Variants in NTRK3 observed in about 807,000 individuals in gnomAD.
NTRK3 encodes the protein neurotrophic receptor tyrosine kinase 3.
In NTRK3, 24 loss-of-function variants were observed where a neutral mutation model predicts 91.7. The observed-to-expected ratio is 0.26, with a 90% CI of 0.19 to 0.37. NTRK3 has a LOEUF of 0.37. NTRK3 is among the 10% of genes least tolerant of loss of function. The probability of loss-of-function intolerance (pLI) is 1.00; values close to 1 mark genes in which losing one functional copy is unlikely to be tolerated. For synonymous variants in NTRK3, 483 were observed against 404.0 expected (o/e 1.20, Z -2.34); for missense variants, 880 against 1,068.9 (o/e 0.82, Z 2.46).
chr15:87,909,025 C>T (rs1056773584), intron 17 of NTRK3, among the ~76,000 whole-genome samples: 1 of 152,162 alleles, frequency 6.6e-6, no homozygotes, highest in African/African-American at 2.4e-5. Flanking sequence ...TTCTCCAAAG[C>T]TTCTGAGAGA....
At chr15:88,174,866 C>T (rs2045854038) in intron 5 of NTRK3, among the ~76,000 whole-genome samples, 1 of 152,252 alleles carries the variant, frequency 6.6e-6, no homozygotes, top group East Asian at 1.9e-4. Context: ...TGGAGAATGT[C>T]AGCCGTTTCT....
intron 14 of NTRK3, among the ~76,000 whole-genome samples, chr15:87,954,022 G>C (rs1252549928): frequency 7.6e-6 from 1 of 131,650 alleles, no homozygotes; most frequent in Non-Finnish European, 1.6e-5. Context: ...GTGTGTGTGT[G>C]TGTGTGTGTG....
At chr15:88,087,273 C>A (rs1209048652) in intron 13 of NTRK3, among the ~76,000 whole-genome samples, 1 of 152,082 alleles carries the variant, frequency 6.6e-6, no homozygotes, top group Admixed American at 6.5e-5. Context: ...GGTGGAGGGG[C>A]TCCATGGAGG....
intron 14 of NTRK3, chr15:87,979,285 C>A: frequency 1.6e-6 from 2 of 1,231,050 alleles, no homozygotes; most frequent in Non-Finnish European, 2.4e-6. Context: ...GAGCTTCCAA[C>A]CTCTCAGAGG....
At chr15:88,080,300 G>T (rs1165234288) in intron 13 of NTRK3, among the ~76,000 whole-genome samples, 1 of 152,120 alleles carries the variant, frequency 6.6e-6, no homozygotes, top group African/African-American at 2.4e-5. Context: ...CAAGCCCTCT[G>T]GTAAAGTTGT....
At chr15:88,181,105 T>C (rs780713560) in intron 5 of NTRK3, among the ~76,000 whole-genome samples, 1 of 151,956 alleles carries the variant, frequency 6.6e-6, no homozygotes, top group Non-Finnish European at 1.5e-5. Flanking sequence ...CAGACTCAAA[T>C]TGGGGGTAAA....
intron 14 of NTRK3, among the ~76,000 whole-genome samples, chr15:88,003,296 C>G (rs1185679530): frequency 6.6e-6 from 1 of 152,152 alleles, no homozygotes; most frequent in African/African-American, 2.4e-5. Context: ...TGTAGACCTG[C>G]TGACCAAAAT....
intron 14 of NTRK3, among the ~76,000 whole-genome samples, chr15:87,973,561 G>A (rs931769315): frequency 6.6e-6 from 1 of 152,184 alleles, no homozygotes; most frequent in Non-Finnish European, 1.5e-5. Flanking sequence ...GATTTCTAAA[G>A]GCAAAATGCA....
intron 14 of NTRK3, among the ~76,000 whole-genome samples, chr15:88,001,700 C>T (rs2076107750): frequency 6.6e-6 from 1 of 152,146 alleles, no homozygotes; most frequent in Non-Finnish European, 1.5e-5. Context: ...TGATCTATGT[C>T]TATCCTCATG....
intron 14 of NTRK3, among the ~76,000 whole-genome samples, chr15:87,975,848 T>C (rs1329824572): frequency 6.6e-6 from 1 of 152,142 alleles, no homozygotes; most frequent in Non-Finnish European, 1.5e-5. Flanking sequence ...TCATTCTTTA[T>C]AGGAAAAATG....
intron 13 of NTRK3, among the ~76,000 whole-genome samples, chr15:88,038,740 A>C (rs964274119): frequency 6.6e-6 from 1 of 152,192 alleles, no homozygotes; most frequent in African/African-American, 2.4e-5. Flanking sequence ...AAATGTAAAA[A>C]AAAAGTCCAG....
intron 3 of NTRK3, among the ~76,000 whole-genome samples, chr15:88,223,650 C>T (rs775818611): frequency 1.6e-4 from 25 of 152,182 alleles, no homozygotes; most frequent in Non-Finnish European, 2.6e-4. Context: ...AAGTACTCAA[C>T]CTTTTGGGGT....
At chr15:87,888,203 C>T (rs2043515) in intron 17 of NTRK3, among the ~76,000 whole-genome samples, 152,222 of 152,222 alleles carry the variant, frequency 1, 76,111 homozygotes, top group Non-Finnish European at 1. Flanking sequence ...AAAGTGCTCA[C>T]GGGGAATGAG....
chr15:87,973,289 C>G (rs934056917), intron 14 of NTRK3, among the ~76,000 whole-genome samples: 2 of 152,198 alleles, frequency 1.3e-5, no homozygotes, highest in Non-Finnish European at 2.9e-5. Flanking sequence ...AAACTGGGGT[C>G]ACTCTATGCA....
At chr15:88,165,886 C>T (rs902353365) in intron 5 of NTRK3, among the ~76,000 whole-genome samples, 8 of 152,214 alleles carry the variant, frequency 5.3e-5, no homozygotes, top group Non-Finnish European at 8.8e-5. Context: ...TGTGCACATG[C>T]GCATGAGCAA....
chr15:88,171,165 T>C (rs985494764), intron 5 of NTRK3, among the ~76,000 whole-genome samples: 2 of 152,192 alleles, frequency 1.3e-5, no homozygotes, highest in African/African-American at 4.8e-5. Context: ...TGGGCTGCAA[T>C]GGAGGCTTAA....
At chr15:87,915,189 A>G (rs978636583) in intron 17 of NTRK3, among the ~76,000 whole-genome samples, 3 of 152,252 alleles carry the variant, frequency 2.0e-5, no homozygotes, top group Non-Finnish European at 4.4e-5. Context: ...ATGCATATGC[A>G]TATACACTTG....
At chr15:88,102,167 G>A (rs1597324623) in intron 13 of NTRK3, among the ~76,000 whole-genome samples, 2 of 152,138 alleles carry the variant, frequency 1.3e-5, no homozygotes, top group East Asian at 3.9e-4. Flanking sequence ...CTATGCAACA[G>A]CATTATAGAT....
At chr15:88,112,086 T>G (rs1268247342) in intron 13 of NTRK3, among the ~76,000 whole-genome samples, 2 of 152,152 alleles carry the variant, frequency 1.3e-5, no homozygotes, top group African/African-American at 4.8e-5. Context: ...TTTTGTATTT[T>G]TAGTAGAGAC....
Sources: allele counts gnomAD v4.1 joint callset (sites outside exome capture counted in the v4.1 genomes callset), GRCh38; gene constraint gnomAD v4.1.1; transcripts MANE v1.5; gene names NCBI Gene and HGNC (gene_info 2026-07-23, HGNC 2026-07-21).